Variants in LRTM3 observed in about 807,000 individuals in gnomAD.
LRTM3 encodes the protein leucine-rich repeat transmembrane protein 3.
the LRTM3 span, chr13:102,742,703 G>A: frequency 6.4e-7 from 1 of 1,550,726 alleles, no homozygotes; most frequent in East Asian, 2.4e-5. Context: ...TGCCTGCAAA[G>A]GTCTACCTTG....
At chr13:102,734,864 A>G in the LRTM3 span, 2 of 1,551,066 alleles carry the variant, frequency 1.3e-6, no homozygotes, top group Non-Finnish European at 1.7e-6. Flanking sequence ...TAAGATGCTT[A>G]CTATTTGCAC....
At chr13:102,734,021 GC>G in the LRTM3 span, 1 of 1,551,464 alleles carries the variant, frequency 6.4e-7, no homozygotes, top group East Asian at 2.4e-5. Flanking sequence ...AAGAGGAGGT[GC>G]TGACGGTATA....
chr13:102,748,455 T>C, the LRTM3 span: 1 of 1,551,256 alleles, frequency 6.4e-7, no homozygotes, highest in Non-Finnish European at 8.7e-7. Context: ...GTATTTTCCC[T>C]TGGAAAGCAC....
At chr13:102,738,272 G>A in the LRTM3 span, 1 of 1,550,672 alleles carries the variant, frequency 6.4e-7, no homozygotes, top group East Asian at 2.4e-5. Context: ...TACTTTGATT[G>A]TGATATCACC....
chr13:102,737,330 T>C, the LRTM3 span: 1 of 1,551,122 alleles, frequency 6.4e-7, no homozygotes, highest in Middle Eastern at 1.7e-4. Context: ...TATTATTCCT[T>C]GTAAGTCTTC....
the LRTM3 span, chr13:102,743,926 A>G: frequency 1.3e-6 from 2 of 1,550,576 alleles, no homozygotes; most frequent in Non-Finnish European, 8.7e-7. Context: ...TTGCAGCTAC[A>G]TTTTCTTGTA....
the LRTM3 span, chr13:102,735,876 T>C: frequency 5.2e-6 from 8 of 1,540,036 alleles, no homozygotes; most frequent in Non-Finnish European, 7.0e-6. Flanking sequence ...GCAGATTTCC[T>C]CGGAACCACT....
chr13:102,737,823 G>T, the LRTM3 span: 2 of 1,549,184 alleles, frequency 1.3e-6, no homozygotes, highest in Non-Finnish European at 1.7e-6. Flanking sequence ...ATTCCTTGTT[G>T]GTCTTCCTCT....
At chr13:102,758,161 C>T in the LRTM3 span, among the ~76,000 whole-genome samples, 2 of 152,166 alleles carry the variant, frequency 1.3e-5, no homozygotes, top group Non-Finnish European at 2.9e-5. Context: ...AGTCACTTAT[C>T]CTCTTCAAGC....
chr13:102,738,519 G>A, the LRTM3 span: 1 of 1,550,730 alleles, frequency 6.4e-7, no homozygotes, highest in Non-Finnish European at 8.7e-7. Flanking sequence ...TGAATTCCCT[G>A]TGAAATTGAT....
At chr13:102,736,241 C>T in the LRTM3 span, 38 of 1,549,636 alleles carry the variant, frequency 2.5e-5, no homozygotes, top group Middle Eastern at 5.0e-4. Flanking sequence ...CACATGAGGA[C>T]GTCCTGTCCT....
chr13:102,741,445 T>C, the LRTM3 span: 2 of 1,550,040 alleles, frequency 1.3e-6, no homozygotes, highest in African/African-American at 1.4e-5. Context: ...GAAATTTCTG[T>C]CCTTTAGAAC....
chr13:102,745,506 G>A, the LRTM3 span: 23 of 1,550,784 alleles, frequency 1.5e-5, no homozygotes, highest in Middle Eastern at 1.7e-4. Flanking sequence ...TCTTTTCTAC[G>A]TTTCGGACCA....
At chr13:102,736,782 T>C in the LRTM3 span, 1 of 1,551,130 alleles carries the variant, frequency 6.4e-7, no homozygotes. Flanking sequence ...TCTGAAATAT[T>C]TGCTTTATCC....
the LRTM3 span, chr13:102,732,826 A>C: frequency 2.6e-6 from 4 of 1,551,108 alleles, no homozygotes; most frequent in Middle Eastern, 1.7e-4. Flanking sequence ...CAGTACTATC[A>C]TTGTCCATTT....
chr13:102,734,865 C>T, the LRTM3 span: 3 of 1,551,038 alleles, frequency 1.9e-6, no homozygotes, highest in Non-Finnish European at 2.6e-6. Context: ...AAGATGCTTA[C>T]TATTTGCACG....
chr13:102,750,292 TA>T, the LRTM3 span: 3 of 1,548,712 alleles, frequency 1.9e-6, no homozygotes, highest in Non-Finnish European at 2.6e-6. Flanking sequence ...CTGACCATAG[TA>T]TTTCACGTGA....
At chr13:102,747,458 G>A in the LRTM3 span, 2 of 1,547,928 alleles carry the variant, frequency 1.3e-6, no homozygotes, top group Non-Finnish European at 1.7e-6. Flanking sequence ...TACACTTTTT[G>A]TTTCTGATAA....
At chr13:102,758,852 A>G in the LRTM3 span, 1 of 1,550,488 alleles carries the variant, frequency 6.4e-7, no homozygotes, top group East Asian at 2.4e-5. Flanking sequence ...AGGACTCTAG[A>G]AAGTCCCATA....
Sources: gnomAD v4.1 joint callset for allele counts (sites outside exome capture counted in the v4.1 genomes callset) on GRCh38, gnomAD v4.1.1 for gene constraint, MANE v1.5 for transcripts, NCBI Gene and HGNC (gene_info 2026-07-23, HGNC 2026-07-21) for gene names.